Variants in MAGI2 observed in about 807,000 individuals in gnomAD.
MAGI2 encodes membrane associated guanylate kinase, WW and PDZ domain containing 2.
MAGI2 carries 35 observed loss-of-function variants against 133.3 expected under a neutral mutation model. The observed-to-expected ratio is 0.26, with a 90% CI of 0.20 to 0.35. The LOEUF is 0.35. Ranked by LOEUF, MAGI2 falls within the 10% of genes least tolerant of loss-of-function variation. The probability of loss-of-function intolerance (pLI) is 1.00; values close to 1 mark genes in which losing one functional copy is unlikely to be tolerated. For synonymous variants in MAGI2, 729 were observed against 710.6 expected (o/e 1.03, Z -0.41); for missense variants, 1,636 against 1,863.4 (o/e 0.88, Z 2.25).
At chr7:79,064,331 G>A (rs1584831012) in intron 1 of MAGI2, among the ~76,000 whole-genome samples, 1 of 152,092 alleles carries the variant, frequency 6.6e-6, no homozygotes, top group South Asian at 2.1e-4. Context: ...ATGTCATGTG[G>A]TTATTCCCTC....
In MAGI2 at chr7:78,625,690, C is replaced by T. The variant is rs138266960; in HGVS notation, c.538+1430G>A. Among the ~76,000 whole-genome samples, 1,037 of 152,272 alleles carry T rather than the reference C, an allele frequency of 6.8e-3. 14 individuals are homozygous for T. Among genetic ancestry groups the T allele is most frequent in the African/African-American group, 0.018 (763 of 41,566 alleles). On this transcript the variant is annotated intron_variant, in intron 3 of 21. Transcript: ENST00000354212. ...TCACCCAGAGCAACTTACAGTCCTG[C>T]AAGCTCCATTCATGGTAAGCACCTT... is the stretch of plus-strand genomic sequence containing the variant.
intron 2 of MAGI2, among the ~76,000 whole-genome samples, chr7:78,831,392 A>T (rs188076245): frequency 6.6e-6 from 1 of 152,186 alleles, no homozygotes; most frequent in East Asian, 1.9e-4. Context: ...ATAAGCTCAG[A>T]ACTTTAAAAT....
At chr7:78,459,885 T>C (rs17150825) in intron 6 of MAGI2, among the ~76,000 whole-genome samples, 39,365 of 152,126 alleles carry the variant, frequency 0.26, 5,173 homozygotes, top group Middle Eastern at 0.35. Flanking sequence ...AAATCAGTGT[T>C]TAGAATAGCC....
At chr7:78,573,193 T>TATATATATATAAATATATATAAATATAA (rs2150776789) in intron 3 of MAGI2, among the ~76,000 whole-genome samples, 1 of 85,434 alleles carries the variant, frequency 1.2e-5, no homozygotes, top group Admixed American at 1.8e-4. Flanking sequence ...AACTTTTATA[T>TATATATATATAAATATATATAAATATAA]ATATATATAT....
intron 14 of MAGI2, among the ~76,000 whole-genome samples, chr7:78,169,707 G>T (rs1446850831): frequency 6.6e-6 from 1 of 152,192 alleles, no homozygotes; most frequent in Non-Finnish European, 1.5e-5. Context: ...CTTCTGTGTG[G>T]AATATTAAGT....
chr7:78,984,846 G>C (rs1805099728), intron 2 of MAGI2, among the ~76,000 whole-genome samples: 2 of 151,956 alleles, frequency 1.3e-5, no homozygotes, highest in Admixed American at 1.3e-4. Flanking sequence ...CACGAGGATA[G>C]AAATTTCATA....
chr7:78,374,662 A>T (rs564633316), intron 6 of MAGI2, among the ~76,000 whole-genome samples: 8 of 152,024 alleles, frequency 5.3e-5, no homozygotes, highest in Non-Finnish European at 1.2e-4. Flanking sequence ...TATGTTCATC[A>T]GGGATATTGG....
chr7:78,057,496 T>G (rs6944647), intron 21 of MAGI2, among the ~76,000 whole-genome samples: 78,111 of 151,490 alleles, frequency 0.52, 20,776 homozygotes, highest in African/African-American at 0.66. Flanking sequence ...CACCCAAAGT[T>G]CTGGGATTAC....
intron 10 of MAGI2, among the ~76,000 whole-genome samples, chr7:78,240,826 A>G (rs535182453): frequency 6.6e-6 from 1 of 152,240 alleles, no homozygotes; most frequent in Non-Finnish European, 1.5e-5. Context: ...GATAATGCAT[A>G]TATTAGCTAG....
intron 21 of MAGI2, among the ~76,000 whole-genome samples, chr7:78,044,687 G>T (rs1811216546): frequency 9.3e-6 from 1 of 107,758 alleles, no homozygotes; most frequent in East Asian, 2.3e-4. Context: ...CCGTGTGTGT[G>T]TGTGTGTGTG....
chr7:79,442,117 C>T (rs913177353), intron 1 of MAGI2, among the ~76,000 whole-genome samples: 1 of 152,042 alleles, frequency 6.6e-6, no homozygotes, highest in Non-Finnish European at 1.5e-5. Flanking sequence ...AGCCACTTTG[C>T]GATACAAATA....
chr7:79,056,256 C>T (rs1438648958), intron 1 of MAGI2, among the ~76,000 whole-genome samples: 4 of 152,120 alleles, frequency 2.6e-5, no homozygotes, highest in East Asian at 1.9e-4. Flanking sequence ...TGCATGGTTG[C>T]GCATGCCCGT....
intron 2 of MAGI2, among the ~76,000 whole-genome samples, chr7:78,831,570 A>T (rs1791153084): frequency 6.6e-6 from 1 of 152,112 alleles, no homozygotes; most frequent in Admixed American, 6.5e-5. Flanking sequence ...AATGTTTATT[A>T]GAGGTTTAAT....
chr7:78,951,497 T>G (rs1345820478), intron 2 of MAGI2, among the ~76,000 whole-genome samples: 1 of 152,052 alleles, frequency 6.6e-6, no homozygotes, highest in Non-Finnish European at 1.5e-5. Flanking sequence ...TGCCAGACGC[T>G]TATAAAACCA....
intron 2 of MAGI2, among the ~76,000 whole-genome samples, chr7:78,711,053 T>C (rs1055704675): frequency 6.6e-6 from 1 of 152,154 alleles, no homozygotes; most frequent in Non-Finnish European, 1.5e-5. Context: ...GATCACAACA[T>C]CACTTGTAAG....
At chr7:78,515,689 T>A (rs1006694743) in intron 4 of MAGI2, among the ~76,000 whole-genome samples, 2 of 151,994 alleles carry the variant, frequency 1.3e-5, no homozygotes, top group African/African-American at 4.8e-5. Flanking sequence ...TCACCTGAGG[T>A]CAGGATTTCA....
intron 1 of MAGI2, among the ~76,000 whole-genome samples, chr7:79,324,871 T>C (rs1839566448): frequency 6.6e-6 from 1 of 150,536 alleles, no homozygotes; most frequent in Admixed American, 6.7e-5. Context: ...AAAATGCCTT[T>C]TCAGTATACA....
intron 10 of MAGI2, among the ~76,000 whole-genome samples, chr7:78,245,872 G>A (rs1384997473): frequency 6.6e-6 from 1 of 152,130 alleles, no homozygotes; most frequent in Non-Finnish European, 1.5e-5. Context: ...CACGGCTACT[G>A]TGCTTTGCCA....
At chr7:79,217,351 A>G (rs888129509) in intron 1 of MAGI2, among the ~76,000 whole-genome samples, 1 of 152,060 alleles carries the variant, frequency 6.6e-6, no homozygotes, top group African/African-American at 2.4e-5. Flanking sequence ...AGTCCCTATC[A>G]TATATTTATT....
Sources: allele counts gnomAD v4.1 joint callset (sites outside exome capture counted in the v4.1 genomes callset), GRCh38; gene constraint gnomAD v4.1.1; transcripts MANE v1.5; gene names NCBI Gene and HGNC (gene_info 2026-07-23, HGNC 2026-07-21).